Variants in UNC13B observed in about 807,000 individuals in gnomAD.
The protein encoded by UNC13B is unc-13 homolog B, also known as protein unc-13 homolog B.
A neutral mutation model predicts 211.0 loss-of-function variants in UNC13B; 144 were observed. That is an observed-to-expected ratio of 0.68 (90% CI 0.60 to 0.78). UNC13B has a LOEUF of 0.78. UNC13B is among the 30% of genes least tolerant of loss of function. The pLI is 0.00. For missense variants in UNC13B, 1,777 were observed against 2,002.0 expected, an observed-to-expected ratio of 0.89 and a Z score of 2.14; for synonymous variants, 709 against 725.8, an observed-to-expected ratio of 0.98 and a Z score of 0.37.
chr9:35,299,335 T>G (rs1284682416), intron 8 of UNC13B, among the ~76,000 whole-genome samples: 1 of 152,250 alleles, frequency 6.6e-6, no homozygotes, highest in Non-Finnish European at 1.5e-5. Flanking sequence ...TATTTTTTTC[T>G]TATTAAAAGA....
intron 26 of UNC13B, among the ~76,000 whole-genome samples, chr9:35,392,469 T>C (rs565749290): frequency 6.6e-6 from 1 of 152,182 alleles, no homozygotes; most frequent in East Asian, 1.9e-4. Context: ...GACTTCGTGA[T>C]TGTCAGAATA....
At chr9:35,200,859 C>T (rs1187115154) in intron 1 of UNC13B, among the ~76,000 whole-genome samples, 1 of 152,206 alleles carries the variant, frequency 6.6e-6, no homozygotes, top group Non-Finnish European at 1.5e-5. Flanking sequence ...CTGGCCAGAA[C>T]TTCCAACACT....
At chr9:35,205,001 G>A (rs1220241823) in intron 1 of UNC13B, among the ~76,000 whole-genome samples, 5 of 152,146 alleles carry the variant, frequency 3.3e-5, no homozygotes, top group African/African-American at 1.2e-4. Context: ...GGGCTTAATG[G>A]GAGGTGATGG....
At chr9:35,181,550 G>A (rs897083733) in intron 1 of UNC13B, among the ~76,000 whole-genome samples, 2 of 152,108 alleles carry the variant, frequency 1.3e-5, no homozygotes, top group Non-Finnish European at 2.9e-5. Context: ...AATGAAGATC[G>A]ATCTGGCCAG....
intron 1 of UNC13B, among the ~76,000 whole-genome samples, chr9:35,208,302 C>G (rs1225768738): frequency 1.3e-5 from 2 of 152,122 alleles, no homozygotes; most frequent in Non-Finnish European, 2.9e-5. Context: ...AAATAATACC[C>G]TTCTTGGAAC....
At chr9:35,358,908 C>T (rs1833215007) in intron 11 of UNC13B, among the ~76,000 whole-genome samples, 1 of 152,002 alleles carries the variant, frequency 6.6e-6, no homozygotes, top group African/African-American at 2.4e-5. Flanking sequence ...CCATGTTGGC[C>T]AGGCTGGTCT....
intron 1 of UNC13B, among the ~76,000 whole-genome samples, chr9:35,198,362 G>A (rs144267238): frequency 8.0e-4 from 122 of 152,240 alleles, no homozygotes; most frequent in African/African-American, 2.8e-3. Flanking sequence ...TGTAATATGC[G>A]CCTGCTTCTC....
At position 35,300,729 on chromosome 9, in the gene UNC13B, A is replaced by C. The variant is rs1271133261; in HGVS notation, c.1325A>C (p.Glu442Ala). The C allele has an allele frequency of 2.5e-6, 1 of 398,890 alleles. No homozygotes were observed. Among genetic ancestry groups the C allele is most frequent in the Non-Finnish European group, 4.4e-6 (1 of 226,048 alleles). The allele number at this position is 398,890 out of a possible 1,614,324, so 24.7% of individuals were successfully genotyped here. The change falls in exon 9 of 40, where the codon GAG becomes GCG. Residue 442 changes from glutamate to alanine, a missense_variant. By Grantham distance (107) the Glu-to-Ala change is moderately radical. Coordinates refer to ENST00000635942, the MANE Select transcript of UNC13B (RefSeq NM_001371189.2). ...GATCTGTCTGAGTGCTCTATAGAAG[A>C]GATAACCCCTTCCTCTATTGAGGAG... ...LGDLSECSIE[E>A]ITPSSIEEPK...
chr9:35,247,124 G>A (rs930097723), intron 6 of UNC13B, among the ~76,000 whole-genome samples: 1 of 152,148 alleles, frequency 6.6e-6, no homozygotes, highest in Non-Finnish European at 1.5e-5. Context: ...AACTGTGAAT[G>A]GGAGTTCACT....
intron 7 of UNC13B, among the ~76,000 whole-genome samples, chr9:35,272,437 T>C (rs1157327165): frequency 6.6e-6 from 1 of 151,984 alleles, no homozygotes; most frequent in Non-Finnish European, 1.5e-5. Context: ...TTTGTATTTT[T>C]AGTAGAGACA....
At chr9:35,357,052 A>G (rs774475500) in intron 11 of UNC13B, among the ~76,000 whole-genome samples, 4 of 152,166 alleles carry the variant, frequency 2.6e-5, no homozygotes, top group Middle Eastern at 3.2e-3. Flanking sequence ...ACATTTGTAT[A>G]CAAGTTTTTC....
intron 7 of UNC13B, among the ~76,000 whole-genome samples, chr9:35,285,543 A>AC (rs749359613): frequency 2.0e-5 from 3 of 151,870 alleles, no homozygotes; most frequent in Non-Finnish European, 2.9e-5. Context: ...ACATGGTGAG[A>AC]CCCCATCTCT....
At chr9:35,370,928 T>C (rs778344770) in intron 13 of UNC13B, among the ~76,000 whole-genome samples, 1 of 152,214 alleles carries the variant, frequency 6.6e-6, no homozygotes, top group Admixed American at 6.5e-5. Context: ...GAGTTAAAGC[T>C]GATCCCAGGG....
chr9:35,363,644 A>G (rs1451982925), intron 11 of UNC13B, among the ~76,000 whole-genome samples: 2 of 152,156 alleles, frequency 1.3e-5, no homozygotes, highest in Non-Finnish European at 2.9e-5. Flanking sequence ...AGAAAAGAAA[A>G]TGGAGGGGCA....
At chr9:35,171,203 G>T (rs1365280319) in intron 1 of UNC13B, among the ~76,000 whole-genome samples, 1 of 152,078 alleles carries the variant, frequency 6.6e-6, no homozygotes, top group Non-Finnish European at 1.5e-5. Flanking sequence ...CCAGGTTCAA[G>T]AGATTCTCCT....
chr9:35,400,558 C>T (rs776230500), intron 37 of UNC13B, 115 bp downstream of exon 37: 13 of 1,294,000 alleles, frequency 1.0e-5, no homozygotes, highest in Non-Finnish European at 1.4e-5. Context: ...TCAGAGAGCC[C>T]TTCAAATTCA....
At chr9:35,282,500 C>A (rs769290286) in intron 7 of UNC13B, among the ~76,000 whole-genome samples, 1 of 152,114 alleles carries the variant, frequency 6.6e-6, no homozygotes, top group Non-Finnish European at 1.5e-5. Context: ...GCTGTGATCT[C>A]GGCTCACTGC....
At chr9:35,399,485 C>T (rs1464344224) in intron 35 of UNC13B, 37 bp downstream of exon 35, 6 of 1,613,594 alleles carry the variant, frequency 3.7e-6, no homozygotes, top group Non-Finnish European at 5.1e-6. Context: ...CAGGTGTGGT[C>T]CTTCTGAAGT....
chr9:35,316,387 G>A (rs1344471729), intron 11 of UNC13B, among the ~76,000 whole-genome samples: 3 of 152,148 alleles, frequency 2.0e-5, no homozygotes, highest in Admixed American at 6.5e-5. Flanking sequence ...CTTCATATGA[G>A]CACTCTTAAT....
Sources: gnomAD v4.1 joint callset for allele counts (sites outside exome capture counted in the v4.1 genomes callset) on GRCh38, gnomAD v4.1.1 for gene constraint, MANE v1.5 for transcripts, NCBI Gene and HGNC (gene_info 2026-07-23, HGNC 2026-07-21) for gene names.